FAM161B: variants seen among roughly 807,000 people sequenced by gnomAD.
The protein encoded by FAM161B is FAM161 centrosomal protein B.
FAM161B carries 46 observed loss-of-function variants against 61.5 expected under a neutral mutation model. The ratio of observed to expected loss-of-function variants is 0.75; its 90% CI spans 0.59 to 0.96. FAM161B has a LOEUF of 0.96. Ranked by LOEUF, FAM161B falls within the 40% of genes least tolerant of loss-of-function variation. The pLI is 0.00. For synonymous variants in FAM161B, 284 were observed against 302.7 expected (o/e 0.94, Z 0.64); for missense variants, 774 against 800.7 (o/e 0.97, Z 0.40).
At chr14:73,943,536 T>C (rs2056037471) in intron 3 of FAM161B, among the ~76,000 whole-genome samples, 1 of 152,010 alleles carries the variant, frequency 6.6e-6, no homozygotes, top group Non-Finnish European at 1.5e-5. Context: ...CCTCGACCTT[T>C]CCATCCCTTG....
chr14:73,948,808 T>C (rs987899674), intron 1 of FAM161B, among the ~76,000 whole-genome samples: 2 of 152,198 alleles, frequency 1.3e-5, no homozygotes, highest in African/African-American at 4.8e-5. Context: ...AATCTACTTT[T>C]TGCCTTTAAT....
intron 5 of FAM161B, 71 bp from the exon 6 acceptor site, chr14:73,938,183 G>C (rs1372940183): frequency 6.4e-7 from 1 of 1,559,716 alleles, no homozygotes; most frequent in Non-Finnish European, 8.7e-7. Flanking sequence ...CTTAGGCCAG[G>C]TGTGGTGGCT....
the FAM161B span, among the ~76,000 whole-genome samples, chr14:73,923,160 T>C: frequency 6.6e-6 from 1 of 152,240 alleles, no homozygotes; most frequent in Non-Finnish European, 1.5e-5. Context: ...TTAAAAGTGC[T>C]AACACCATAT....
chr14:73,937,414 CTT>C (rs1362882400), intron 7 of FAM161B, among the ~76,000 whole-genome samples, 186 bp downstream of exon 7: 2 of 152,148 alleles, frequency 1.3e-5, no homozygotes, highest in African/African-American at 4.8e-5. Flanking sequence ...GGAGTCCACT[CTT>C]GGATGAAATC....
rs2056045315 is a variant in FAM161B at position 73,944,402 on chromosome 14, G to A, written c.858C>T (p.Ser286=). The A allele has an allele frequency of 6.2e-7, 1 of 1,609,810 alleles. No individual in the cohort carries two copies. The highest frequency in any genetic ancestry group is 8.5e-7 in the Non-Finnish European group (1 of 1,176,576). ...DLAATAEAKI[S]KQKATRRIPK... is the part of the protein sequence containing the mutation. ...GAATCCTTCTGGTGGCCTTCTGCTT[G>A]GAGATCTTGGCTTCAGCTGTGGCTG... The change falls in exon 3 of 9, where the codon TCC becomes TCT. Residue 286 remains serine, a synonymous_variant. Transcript: ENST00000286544.
At chr14:73,949,868 C>CCACGCCCCTCCGTGA (rs2056118789) in intron 1 of FAM161B, 105 bp downstream of exon 1, 1 of 1,493,490 alleles carries the variant, frequency 6.7e-7, no homozygotes, top group African/African-American at 1.4e-5. Flanking sequence ...CATTTTAATC[C>CCACGCCCCTCCGTGA]CACGCCCCTC....
At chr14:73,930,514 A>T (rs1566669753), downstream of FAM161B, among the ~76,000 whole-genome samples, 1 of 152,104 alleles carries the variant, frequency 6.6e-6, no homozygotes, top group Non-Finnish European at 1.5e-5. Context: ...TAGGATCACC[A>T]AGTAAATACA....
rs562412611 is a variant in FAM161B at position 73,932,396 on chromosome 14, G to A, written c.*1860C>T. 179 of 442,546 alleles carry A rather than the reference G, an allele frequency of 4.0e-4. No individual in the cohort carries two copies. The highest frequency in any genetic ancestry group is 8.5e-4 in the South Asian group (52 of 61,174). 27.4% of individuals were successfully genotyped at this position (442,546 alleles called of 1,614,324 possible). ...GATTCCATACCAGTAAAACTGAACC[G>A]AGGAGTCTTAGGAAACAACAAGAAC... On this transcript the variant is annotated 3_prime_UTR_variant, in exon 9 of 9. Coordinates refer to ENST00000286544, the MANE Select transcript of FAM161B (RefSeq NM_152445.3).
chr14:73,924,377 G>A, the FAM161B span, among the ~76,000 whole-genome samples: 2 of 152,128 alleles, frequency 1.3e-5, no homozygotes, highest in African/African-American at 4.8e-5. Flanking sequence ...TTCCTAACAG[G>A]GCACGGACCA....
chr14:73,945,553 C>T (rs548302950), intron 2 of FAM161B, among the ~76,000 whole-genome samples: 134 of 152,108 alleles, frequency 8.8e-4, no homozygotes, highest in African/African-American at 3.1e-3. Context: ...CCTCTCCTTC[C>T]GAGTAGCTGG....
At position 73,942,451 on chromosome 14, in the gene FAM161B, C is replaced by T. The variant is rs766417944; in HGVS notation, c.1190G>A (p.Arg397His). The T allele has an allele frequency of 7.4e-6, 12 of 1,614,054 alleles. No individual in the cohort carries two copies. The highest frequency in any genetic ancestry group is 6.7e-5 in the Admixed American group (4 of 60,004). ...GGTCCTCAGCAAGAAGGGCTTGTTG[C>T]GAGTGGCCTCTTGGGTTTCTCTTCT... ...AKRRETQEAT[R>H]NKPFLLRTAN... Residue 397 changes from arginine to histidine, a missense_variant, in exon 4 of 9, where the codon CGC (arginine) becomes CAC (histidine). Transcript: ENST00000286544.
intron 7 of FAM161B, 77 bp from the exon 8 acceptor site, chr14:73,936,165 T>TA: frequency 7.0e-7 from 1 of 1,420,978 alleles, no homozygotes; most frequent in Non-Finnish European, 9.4e-7. Flanking sequence ...TCAGTATTGT[T>TA]ACAATACTGC....
chr14:73,935,737 A>T (rs1431878205), intron 8 of FAM161B, among the ~76,000 whole-genome samples: 2 of 152,190 alleles, frequency 1.3e-5, no homozygotes, highest in African/African-American at 4.8e-5. Flanking sequence ...ATGGAAGAAA[A>T]CGAAACATAA....
In FAM161B at chr14:73,950,064, T is replaced by TAGTG. The variant is rs766670720; in HGVS notation, c.-42_-39dup. 36 of 1,609,120 alleles carry TAGTG rather than the reference T, an allele frequency of 2.2e-5. No homozygotes were observed. Among genetic ancestry groups the TAGTG allele is most frequent in the Non-Finnish European group, 3.0e-5 (35 of 1,179,932 alleles). On this transcript the variant is annotated 5_prime_UTR_variant, in exon 1 of 9. Coordinates refer to ENST00000286544, the MANE Select transcript of FAM161B (RefSeq NM_152445.3). ...GAGGCAGCAGCGACAGTGACAGCGA[T>TAGTG]AGTGGCAGCAGCGGTGGCAGCGAGA...
At chr14:73,929,756 G>A (rs528465672), downstream of FAM161B, among the ~76,000 whole-genome samples, 19 of 151,858 alleles carry the variant, frequency 1.3e-4, no homozygotes, top group East Asian at 3.5e-3. Flanking sequence ...AGTTGAGGCT[G>A]TAGTGAGCCA....
At chr14:73,945,341 A>G (rs2056057418) in intron 2 of FAM161B, among the ~76,000 whole-genome samples, 1 of 152,256 alleles carries the variant, frequency 6.6e-6, no homozygotes, top group Non-Finnish European at 1.5e-5. Context: ...TTCAATATTT[A>G]CTTTCTAAGG....
At position 73,932,508 on chromosome 14, in the gene FAM161B, TCTGAA is replaced by T; in HGVS notation, c.*1743_*1747del. 2.2e-6 allele frequency: 1 copy of T among 449,060 alleles called. No homozygotes were observed. The highest frequency in any genetic ancestry group is 4.4e-6 in the Non-Finnish European group (1 of 225,142). The allele number at this position is 449,060 out of a possible 1,614,324, so 27.8% of individuals were successfully genotyped here. A position where few individuals can be genotyped will look rare whatever the true frequency, so the allele number is the denominator to read the frequency against. On this transcript the variant is annotated 3_prime_UTR_variant, in exon 9 of 9. Transcript: ENST00000286544. ...GAAAATGGCAATAAAAACAGATACT[TCTGAA>T]TTTTTCCACAAAGATAGTTTTTTTA...
In FAM161B at chr14:73,950,008, C is replaced by G; in HGVS notation, c.19G>C (p.Glu7Gln). Residue 7 changes from glutamate (E) to glutamine (Q), a missense_variant, in exon 1 of 9, where the codon GAG (glutamate) becomes CAG (glutamine). Transcript: ENST00000286544. Reference protein sequence around the residue: MTVGRPEGAPGGAEGSR... With the variant: MTVGRPQGAPGGAEGSR... ...CCCTCCGCGCCTCCGGGGGCTCCCTCAGGCCTCCCCACGGTCATTTCAGCT... is the reference window on the plus strand; with the variant it reads ...CCCTCCGCGCCTCCGGGGGCTCCCTGAGGCCTCCCCACGGTCATTTCAGCT... The G allele has an allele frequency of 6.2e-7, 1 of 1,613,114 alleles. No homozygotes were observed. The highest frequency in any genetic ancestry group is 8.5e-7 in the Non-Finnish European group (1 of 1,180,016).
chr14:73,937,637 G>C lies in FAM161B; in HGVS notation c.1630C>G (p.Gln544Glu), dbSNP rs2055980912. The C allele has an allele frequency of 1.2e-6, 2 of 1,613,980 alleles. No homozygotes were observed. Among genetic ancestry groups the C allele is most frequent in the Non-Finnish European group, 1.7e-6 (2 of 1,180,000 alleles). The change falls in exon 7 of 9, where the codon CAA (glutamine) becomes GAA (glutamate). Residue 544 changes from glutamine to glutamate, a missense_variant. Transcript: ENST00000286544. The stretch of plus-strand genomic sequence containing the variant: ...TGTTCAAAGAGATAGGGCCTTGTTT[G>C]TATTCGCTGCTTCATTTCCTCCAGT... ...KELEEMKQRI[Q>E]TRPYLFEQVA...
Sources: gnomAD v4.1 joint callset for allele counts (sites outside exome capture counted in the v4.1 genomes callset) on GRCh38, gnomAD v4.1.1 for gene constraint, MANE v1.5 for transcripts, NCBI Gene and HGNC (gene_info 2026-07-23, HGNC 2026-07-21) for gene names.